Variants in SNRPN observed in about 807,000 individuals in gnomAD.
The protein encoded by SNRPN is small nuclear ribonucleoprotein-associated protein N.
In SNRPN, 7 loss-of-function variants were observed where a neutral mutation model predicts 25.2. The ratio of observed to expected loss-of-function variants is 0.28; its 90% CI spans 0.16 to 0.52. The LOEUF (loss-of-function observed/expected upper bound fraction) is 0.52, where lower values mean the gene tolerates loss of function less well. SNRPN is among the 20% of genes least tolerant of loss of function. SNRPN has a pLI of 0.96. For synonymous variants in SNRPN, 124 were observed against 110.6 expected, an observed-to-expected ratio of 1.12 and a Z score of -0.76; for missense variants, 196 against 322.5, an observed-to-expected ratio of 0.61 and a Z score of 3.00.
chr15:24,837,390 T>C (rs1312670197), intron 2 of SNRPN, among the ~76,000 whole-genome samples: 10 of 148,042 alleles, frequency 6.8e-5, no homozygotes, highest in Non-Finnish European at 1.0e-4. Context: ...TTTTTTGAGG[T>C]GGAGTCTCAC....
intron 2 of SNRPN, among the ~76,000 whole-genome samples, chr15:24,895,440 C>CAT (rs973230849): frequency 5.7e-5 from 8 of 140,218 alleles, no homozygotes; most frequent in Admixed American, 1.4e-4. Flanking sequence ...CACACACACA[C>CAT]GGACAACACA....
intron 3 of SNRPN, among the ~76,000 whole-genome samples, chr15:24,930,135 C>T (rs888597795): frequency 1.3e-5 from 2 of 149,190 alleles, no homozygotes; most frequent in Non-Finnish European, 3.0e-5. Context: ...CAGAGCGAGA[C>T]TCCATCTCAA....
rs10588023 is a variant in SNRPN, at chr15:24,966,284, GT to G, written c.-294-1640del. On this transcript the variant is annotated intron_variant, in intron 2 of 9. Transcript: ENST00000390687. ...TCTCAAGAAAGTGCTATACTTACTA[GT>G]TTTTTTTATAAAGGATACAAATGAA... Among the ~76,000 whole-genome samples, 373 of 152,024 alleles carry G rather than the reference GT, an allele frequency of 2.5e-3. 1 individual carries two copies. The highest frequency in any genetic ancestry group is 8.4e-3 in the African/African-American group (348 of 41,426).
At chr15:24,965,014 C>G (rs1323933550) in intron 2 of SNRPN, among the ~76,000 whole-genome samples, 1 of 152,060 alleles carries the variant, frequency 6.6e-6, no homozygotes, top group Admixed American at 6.6e-5. Context: ...TATAATTTTT[C>G]CCCCTTGTGC....
At chr15:24,882,823 C>CAAAAAAAAAAAAAAAAAAAAAAAA (rs10543501) in intron 1 of SNRPN, among the ~76,000 whole-genome samples, 15 of 127,096 alleles carry the variant, frequency 1.2e-4, no homozygotes, top group Admixed American at 6.5e-4. Context: ...GACTCCATCT[C>CAAAAAAAAAAAAAAAAAAAAAAAA]AAAAAAAAAA....
At position 24,954,994 on chromosome 15, in the gene SNRPN, G is replaced by A. The variant is rs541877352; in HGVS notation, c.-459G>A. ...TGCTGCAGCGAGTCTGGCGCAGAGT[G>A]GAGCGGCCGCCGGAGATGCCTGACG... On this transcript the variant is annotated 5_prime_UTR_variant, in exon 1 of 10. Coordinates refer to ENST00000390687, the MANE Select transcript of SNRPN (RefSeq NM_003097.6). The A allele has an allele frequency of 2.5e-6, 4 of 1,609,948 alleles. No individual in the cohort carries two copies. Among genetic ancestry groups the A allele is most frequent in the Non-Finnish European group, 3.4e-6 (4 of 1,179,134 alleles).
At chr15:24,973,831 C>A (rs1310824069) in intron 3 of SNRPN, among the ~76,000 whole-genome samples, 12 of 152,296 alleles carry the variant, frequency 7.9e-5, no homozygotes, top group Admixed American at 2.6e-4. Context: ...TTATAACACA[C>A]TTGGCTCTTA....
intron 2 of SNRPN, among the ~76,000 whole-genome samples, chr15:24,900,107 C>A (rs1051793512): frequency 3.9e-5 from 6 of 152,082 alleles, no homozygotes. Flanking sequence ...CTTGGGAGCC[C>A]GAGTGACTGC....
chr15:24,902,277 C>T (rs144754365), intron 2 of SNRPN, among the ~76,000 whole-genome samples: 1 of 152,170 alleles, frequency 6.6e-6, no homozygotes, highest in Non-Finnish European at 1.5e-5. Flanking sequence ...GTGATTTAGG[C>T]TATGCATTCT....
chr15:24,912,706 A>T (rs1164807095), intron 2 of SNRPN, among the ~76,000 whole-genome samples: 1 of 152,166 alleles, frequency 6.6e-6, no homozygotes, highest in Non-Finnish European at 1.5e-5. Flanking sequence ...TGAGATTAAC[A>T]TCTCTATAAA....
chr15:24,914,112 G>A (rs966515036), intron 2 of SNRPN, among the ~76,000 whole-genome samples: 1 of 152,128 alleles, frequency 6.6e-6, no homozygotes, highest in African/African-American at 2.4e-5. Flanking sequence ...GAGGGAGAGG[G>A]TACCTTTTGT....
In SNRPN at chr15:24,910,889, G is replaced by A. The variant is rs879389212; in HGVS notation, c.-504-9122G>A. 83 of 651,396 alleles carry A rather than the reference G, an allele frequency of 1.3e-4. No individual in the cohort carries two copies. The Middle Eastern group carries it at 4.3e-3, about 34-fold the overall frequency. 40.4% of individuals were successfully genotyped at this position (651,396 alleles called of 1,614,324 possible). ...GGTGCTTTTAGTGCTGCTTTCTCCT[G>A]AAGGACCATCCTTCCATAAGCCTTG... On this transcript the variant is annotated intron_variant, in intron 2 of 11. Coordinates refer to the SNRPN transcript ENST00000400097.
At chr15:24,834,861 G>A (rs1465764143) in intron 2 of SNRPN, among the ~76,000 whole-genome samples, 7 of 138,736 alleles carry the variant, frequency 5.0e-5, no homozygotes, top group Non-Finnish European at 9.2e-5. Flanking sequence ...GGTAGGTGGA[G>A]GTTAAAGTGA....
intron 3 of SNRPN, among the ~76,000 whole-genome samples, chr15:24,923,932 T>A (rs867628404): frequency 0.019 from 2,562 of 137,034 alleles, 53 homozygotes; most frequent in Middle Eastern, 0.046. Context: ...CATTTTTTTT[T>A]TTTTTTTTTT....
chr15:24,828,347 G>C (rs761143185), intron 1 of SNRPN, among the ~76,000 whole-genome samples: 3 of 152,084 alleles, frequency 2.0e-5, no homozygotes, highest in Non-Finnish European at 4.4e-5. Flanking sequence ...CTTACCTGAA[G>C]GTGACAACAG....
At chr15:24,875,688 G>A (rs1267394333) in intron 1 of SNRPN, among the ~76,000 whole-genome samples, 2 of 152,176 alleles carry the variant, frequency 1.3e-5, no homozygotes, top group African/African-American at 4.8e-5. Flanking sequence ...AGTGGCTGTG[G>A]TGTGAGGACT....
intron 1 of SNRPN, among the ~76,000 whole-genome samples, chr15:24,863,965 A>G (rs1166352999): frequency 1.3e-5 from 2 of 149,544 alleles, no homozygotes; most frequent in Non-Finnish European, 3.0e-5. Context: ...GGAAATTTAG[A>G]TTATCGATTT....
chr15:24,894,900 A>G (rs1389906478), intron 2 of SNRPN, among the ~76,000 whole-genome samples: 2 of 152,166 alleles, frequency 1.3e-5, no homozygotes, highest in Non-Finnish European at 2.9e-5. Context: ...CCCTGTAACA[A>G]GAGACAGATT....
chr15:24,879,264 G>A (rs1224658178), intron 1 of SNRPN, among the ~76,000 whole-genome samples: 1 of 151,822 alleles, frequency 6.6e-6, no homozygotes, highest in Admixed American at 6.6e-5. Flanking sequence ...GTGAAACCTC[G>A]TCTCTACTAA....
Sources: gnomAD v4.1 joint callset for allele counts (sites outside exome capture counted in the v4.1 genomes callset) on GRCh38, gnomAD v4.1.1 for gene constraint, MANE v1.5 for transcripts, NCBI Gene and HGNC (gene_info 2026-07-23, HGNC 2026-07-21) for gene names.